Variants in ERBIN observed in about 807,000 individuals in gnomAD.
ERBIN encodes densin-180-like protein.
ERBIN carries 60 observed loss-of-function variants against 158.4 expected under a neutral mutation model. The ratio of observed to expected loss-of-function variants is 0.38; its 90% confidence interval spans 0.31 to 0.47. ERBIN has a LOEUF of 0.47. Ranked by LOEUF, ERBIN falls within the 20% of genes least tolerant of loss-of-function variation. The probability of loss-of-function intolerance (pLI) is 0.99; values close to 1 mark genes in which losing one functional copy is unlikely to be tolerated. For missense variants in ERBIN, 1,610 were observed against 1,648.0 expected, an observed-to-expected ratio of 0.98 and a Z score of 0.40; for synonymous variants, 594 against 557.2, an observed-to-expected ratio of 1.07 and a Z score of -0.93.
At chr5:65,980,241 C>A (rs251611) in intron 1 of ERBIN, among the ~76,000 whole-genome samples, 106,487 of 151,828 alleles carry the variant, frequency 0.7, 39,617 homozygotes, top group Non-Finnish European at 0.84. Context: ...CATGGGGAAA[C>A]CCTGTCTCTA....
intron 1 of ERBIN, among the ~76,000 whole-genome samples, chr5:65,933,386 T>C (rs1261050787): frequency 6.6e-6 from 1 of 152,174 alleles, no homozygotes; most frequent in Non-Finnish European, 1.5e-5. Context: ...GGGAGAAATA[T>C]TTAACGAGTT....
In ERBIN at chr5:66,081,511, G is replaced by C. The variant is rs1762383951; in HGVS notation, c.*2981G>C. Reference sequence around the variant, plus strand: ...CATTCCAAATTTTTGTATATATCTAGATGAAGTAACACATAGAGGATAGAT... The same window carrying C: ...CATTCCAAATTTTTGTATATATCTACATGAAGTAACACATAGAGGATAGAT... On this transcript the variant is annotated 3_prime_UTR_variant, in exon 26 of 26. Coordinates refer to ENST00000284037, the MANE Select transcript of ERBIN (RefSeq NM_001253697.2). The C allele has an allele frequency of 1.3e-5, 2 of 151,992 alleles. No homozygotes were observed. The highest frequency in any genetic ancestry group is 2.1e-4 in the South Asian group (1 of 4,828). 9.4% of individuals were successfully genotyped at this position (151,992 alleles called of 1,614,324 possible).
At chr5:65,942,077 GAAT>G (rs935532498) in intron 1 of ERBIN, among the ~76,000 whole-genome samples, 9 of 152,300 alleles carry the variant, frequency 5.9e-5, no homozygotes, top group African/African-American at 2.2e-4. Context: ...AATTTTGTGT[GAAT>G]GATAGGTGTG....
At chr5:66,060,695 C>A (rs959764582) in intron 21 of ERBIN, among the ~76,000 whole-genome samples, 1 of 152,176 alleles carries the variant, frequency 6.6e-6, no homozygotes, top group Non-Finnish European at 1.5e-5. Context: ...AAATTTCCTT[C>A]TACACACTGC....
At chr5:65,978,361 G>T (rs1351976047) in intron 1 of ERBIN, among the ~76,000 whole-genome samples, 2 of 151,938 alleles carry the variant, frequency 1.3e-5, no homozygotes, top group Non-Finnish European at 2.9e-5. Flanking sequence ...TCTAATTGTG[G>T]AATGAACGAC....
chr5:65,962,035 C>T (rs1747983085), intron 1 of ERBIN, among the ~76,000 whole-genome samples: 1 of 152,078 alleles, frequency 6.6e-6, no homozygotes, highest in Non-Finnish European at 1.5e-5. Context: ...GAAAGAAATG[C>T]CTGCTAGAGT....
chr5:66,053,414 A>G lies in ERBIN; in HGVS notation c.2096A>G (p.Asp699Gly). The G allele has an allele frequency of 1.4e-6, 2 of 1,455,494 alleles. No individual in the cohort carries two copies. The highest frequency in any genetic ancestry group is 1.8e-6 in the Non-Finnish European group (2 of 1,101,222). 90.2% of individuals were successfully genotyped at this position (1,455,494 alleles called of 1,614,324 possible). ...AATTATCTTTATTTTAGGCAAGAAG[A>G]TGAAAATTTTAACAGCCTTTTACAA... ...IDINSKIRQEDENFNSLLQNG... is the reference protein window; with the variant it reads ...IDINSKIRQEGENFNSLLQNG... Residue 699 changes from aspartate (D) to glycine (G), a missense_variant, in exon 21 of 26, where the codon GAT becomes GGT. Asp to Gly is a moderately conservative substitution (Grantham distance 94). Coordinates refer to ENST00000284037, the MANE Select transcript of ERBIN (RefSeq NM_001253697.2).
chr5:65,969,121 A>G (rs1364602272), intron 1 of ERBIN, among the ~76,000 whole-genome samples: 1 of 152,178 alleles, frequency 6.6e-6, no homozygotes, highest in Non-Finnish European at 1.5e-5. Context: ...CAATTTCGGG[A>G]GGATAAAGCA....
At chr5:66,049,742 TG>T (rs1176241410) in intron 19 of ERBIN, among the ~76,000 whole-genome samples, 1 of 152,106 alleles carries the variant, frequency 6.6e-6, no homozygotes, top group East Asian at 1.9e-4. Flanking sequence ...TCTATGGATA[TG>T]TCTATATACA....
intron 14 of ERBIN, among the ~76,000 whole-genome samples, chr5:66,031,418 A>G (rs1405252723): frequency 6.6e-6 from 1 of 152,240 alleles, no homozygotes; most frequent in Non-Finnish European, 1.5e-5. Flanking sequence ...CTTTAATACA[A>G]TGTGGTTAAA....
chr5:65,977,263 C>T (rs1750040824), intron 1 of ERBIN, among the ~76,000 whole-genome samples: 1 of 151,412 alleles, frequency 6.6e-6, no homozygotes, highest in Admixed American at 6.6e-5. Context: ...CCCCACCTCC[C>T]TCCCGGATGG....
chr5:65,992,297 C>T (rs1224357245), intron 2 of ERBIN, among the ~76,000 whole-genome samples: 3 of 151,992 alleles, frequency 2.0e-5, no homozygotes, highest in Non-Finnish European at 4.4e-5. Flanking sequence ...CTACAGGTGC[C>T]CACACCTCGC....
At chr5:66,006,898 TG>T (rs1181512823) in intron 4 of ERBIN, among the ~76,000 whole-genome samples, 5 of 150,926 alleles carry the variant, frequency 3.3e-5, no homozygotes, top group African/African-American at 1.2e-4. Flanking sequence ...CAACAGGTGC[TG>T]GAGAGGATGT....
At chr5:66,014,959 G>A (rs905790649) in intron 7 of ERBIN, among the ~76,000 whole-genome samples, 2 of 152,086 alleles carry the variant, frequency 1.3e-5, no homozygotes, top group African/African-American at 4.8e-5. Flanking sequence ...ATGCAGTCTT[G>A]TGTGTGACAT....
At chr5:66,011,998 A>T (rs745724429) in intron 4 of ERBIN, 51 bp from the exon 5 acceptor site, 6 of 1,180,210 alleles carry the variant, frequency 5.1e-6, no homozygotes, top group Middle Eastern at 2.3e-4. Flanking sequence ...TACTGTTATT[A>T]TTTTGTCCTT....
chr5:65,926,720 C>G lies in ERBIN; in HGVS notation c.-144C>G, dbSNP rs1285892518. 1 of 152,080 alleles carries G rather than the reference C, an allele frequency of 6.6e-6. No homozygotes were observed. Among genetic ancestry groups the G allele is most frequent in the African/African-American group, 2.4e-5 (1 of 41,388 alleles). 9.4% of individuals were successfully genotyped at this position (152,080 alleles called of 1,614,324 possible). On this transcript the variant is annotated 5_prime_UTR_variant, in exon 1 of 26. Transcript: ENST00000284037. The stretch of plus-strand genomic sequence containing the variant: ...GCTCTCACCCGAGAGAGATATTCAG[C>G]TGGATCCAAAGTGACTGATGAAGGG...
Position 66,043,100 on chromosome 5 carries a change from A to G in ERBIN, c.1330A>G (p.Ser444Gly). ...EDVMFISDNE[S>G]FNPSLWEEQR... is the part of the protein sequence containing the mutation. Reference sequence around the variant, plus strand: ...AGTTATGTTTATATCAGATAATGAAAGTTTTAACCCTTCATTGTGGGAGGA... The same window carrying G: ...AGTTATGTTTATATCAGATAATGAAGGTTTTAACCCTTCATTGTGGGAGGA... Residue 444 changes from serine (S) to glycine (G), a missense_variant, in exon 16 of 26, where the codon AGT (serine) becomes GGT (glycine). Ser to Gly is a moderately conservative substitution (Grantham distance 56). This residue lies in a region of ERBIN where 596 missense variants were observed against 711.9 expected (regional missense o/e 0.84). Transcript: ENST00000284037. The G allele has an allele frequency of 6.2e-7, 1 of 1,604,196 alleles. No individual in the cohort carries two copies. The highest frequency in any genetic ancestry group is 8.5e-7 in the Non-Finnish European group (1 of 1,171,848).
At chr5:65,943,673 A>C (rs965608005) in intron 1 of ERBIN, among the ~76,000 whole-genome samples, 2 of 152,058 alleles carry the variant, frequency 1.3e-5, no homozygotes, top group Non-Finnish European at 2.9e-5. Context: ...GGATTTATAT[A>C]TTTTTCTTCT....
intron 1 of ERBIN, among the ~76,000 whole-genome samples, chr5:65,945,387 T>G (rs950620309): frequency 2.6e-5 from 4 of 152,250 alleles, no homozygotes; most frequent in Admixed American, 6.5e-5. Context: ...CCAATGTCAT[T>G]TAAATGTTGA....
Sources: allele counts gnomAD v4.1 joint callset (sites outside exome capture counted in the v4.1 genomes callset), GRCh38; gene constraint gnomAD v4.1.1; regional missense constraint gnomAD v4.1.1; transcripts MANE v1.5; gene names NCBI Gene and HGNC (gene_info 2026-07-23, HGNC 2026-07-21).